The following SPMIP11 variants were observed in gnomAD, a reference collection of about 807,000 sequenced individuals.
SPMIP11 encodes the protein sperm microtubule inner protein 11, also known as long intergenic non-protein coding RNA 935.
the SPMIP11 span, chr12:48,771,399 T>C: frequency 3.8e-6 from 2 of 522,468 alleles, no homozygotes; most frequent in Non-Finnish European, 7.0e-6. The surrounding 1 kb of genome is among the most constrained non-coding windows in gnomAD (Gnocchi z 4.3). Context: ...GTTGGTCTCA[T>C]GAGGTTCTGT....
chr12:48,737,215 T>G, the SPMIP11 span, among the ~76,000 whole-genome samples: 2 of 152,002 alleles, frequency 1.3e-5, no homozygotes, highest in East Asian at 3.9e-4. Flanking sequence ...TCTCCCAAAG[T>G]GCTAGGATTA....
At chr12:48,738,014 G>A in the SPMIP11 span, among the ~76,000 whole-genome samples, 3,625 of 151,298 alleles carry the variant, frequency 0.024, 135 homozygotes, top group African/African-American at 0.073. Flanking sequence ...TAGTACAAAC[G>A]GAGTCTCCCT....
the SPMIP11 span, among the ~76,000 whole-genome samples, chr12:48,731,661 G>C: frequency 7.2e-5 from 11 of 152,212 alleles, no homozygotes; most frequent in East Asian, 9.6e-4. Flanking sequence ...CTTCCTGAGA[G>C]TTAACAACAT....
At chr12:48,764,973 C>G in the SPMIP11 span, 1 of 702,816 alleles carries the variant, frequency 1.4e-6, no homozygotes, top group Non-Finnish European at 2.6e-6. Flanking sequence ...ACGCCATTGT[C>G]TCATAAAAAG....
At chr12:48,737,225 A>G in the SPMIP11 span, among the ~76,000 whole-genome samples, 1 of 152,082 alleles carries the variant, frequency 6.6e-6, no homozygotes, top group Non-Finnish European at 1.5e-5. Context: ...TGCTAGGATT[A>G]CAGGCGTGAG....
At chr12:48,743,861 G>A in the SPMIP11 span, among the ~76,000 whole-genome samples, 1 of 146,188 alleles carries the variant, frequency 6.8e-6, no homozygotes, top group Admixed American at 7.0e-5. Context: ...GAACCCGGGA[G>A]GTAGAGGTTG....
the SPMIP11 span, among the ~76,000 whole-genome samples, chr12:48,763,910 T>G: frequency 6.6e-6 from 1 of 151,936 alleles, no homozygotes; most frequent in Non-Finnish European, 1.5e-5. Context: ...ACTTCTGACC[T>G]CAAGTAATCC....
the SPMIP11 span, among the ~76,000 whole-genome samples, chr12:48,750,877 T>G: frequency 1.3e-5 from 2 of 152,208 alleles, no homozygotes; most frequent in African/African-American, 4.8e-5. Flanking sequence ...TCACTCAAAC[T>G]GCTTGACACC....
chr12:48,759,170 A>C, the SPMIP11 span: 2 of 701,398 alleles, frequency 2.9e-6, no homozygotes, highest in Non-Finnish European at 5.2e-6. Context: ...TCAAATAGTC[A>C]TTTGCCAAGT....
chr12:48,770,063 ATT>A, the SPMIP11 span, among the ~76,000 whole-genome samples: 11 of 112,878 alleles, frequency 9.7e-5, no homozygotes, highest in African/African-American at 2.1e-4. Flanking sequence ...GCCCGGCCTA[ATT>A]TTTTTTTTTT....
chr12:48,738,110 C>T, the SPMIP11 span, among the ~76,000 whole-genome samples: 1 of 152,140 alleles, frequency 6.6e-6, no homozygotes, highest in Non-Finnish European at 1.5e-5. Context: ...CAGGCGTGAG[C>T]CACCATGTCT....
chr12:48,764,834 TC>T, the SPMIP11 span: 5 of 701,916 alleles, frequency 7.1e-6, no homozygotes, highest in Admixed American at 6.0e-5. Flanking sequence ...AACCTGCCCT[TC>T]CCCCCACCCA....
the SPMIP11 span, chr12:48,769,034 C>A: frequency 1.2e-6 from 2 of 1,613,170 alleles, no homozygotes; most frequent in Admixed American, 3.3e-5. Context: ...CCCGATGACA[C>A]CTGCCACGAC....
the SPMIP11 span, chr12:48,766,666 G>A: frequency 6.6e-6 from 1 of 152,648 alleles, no homozygotes; most frequent in African/African-American, 2.4e-5. Flanking sequence ...GATGCCCAAG[G>A]GAGGCATTAC....
the SPMIP11 span, among the ~76,000 whole-genome samples, chr12:48,737,518 G>T: frequency 6.6e-6 from 1 of 151,080 alleles, no homozygotes; most frequent in Non-Finnish European, 1.5e-5. Flanking sequence ...GGGTTCAAGC[G>T]ATTCTCGTTA....
chr12:48,729,002 A>G, the SPMIP11 span, among the ~76,000 whole-genome samples: 1 of 152,268 alleles, frequency 6.6e-6, no homozygotes, highest in African/African-American at 2.4e-5. Context: ...TAGAGGTTGC[A>G]TAAATATTTG....
the SPMIP11 span, among the ~76,000 whole-genome samples, chr12:48,753,493 C>A: frequency 1.3e-4 from 20 of 152,168 alleles, no homozygotes; most frequent in African/African-American, 4.6e-4. Flanking sequence ...CTTACGTTCT[C>A]ATTTCCTGGA....
chr12:48,743,933 CAAAAAAA>C, the SPMIP11 span, among the ~76,000 whole-genome samples: 37 of 34,894 alleles, frequency 1.1e-3, no homozygotes, highest in South Asian at 1.6e-3. Flanking sequence ...GACTTCGTCT[CAAAAAAA>C]AAAAAAAAAA....
chr12:48,757,867 G>A, the SPMIP11 span, among the ~76,000 whole-genome samples: 5 of 151,832 alleles, frequency 3.3e-5, no homozygotes, highest in South Asian at 2.1e-4. Context: ...GGTGGCACAC[G>A]CTGGTAATCC....
Sources: allele counts gnomAD v4.1 joint callset (sites outside exome capture counted in the v4.1 genomes callset), GRCh38; gene constraint gnomAD v4.1.1; non-coding constraint Gnocchi (gnomAD v3.1); transcripts MANE v1.5; gene names NCBI Gene and HGNC (gene_info 2026-07-23, HGNC 2026-07-21).